The following SLC22A23 variants were observed in gnomAD, a reference collection of about 807,000 sequenced individuals.
SLC22A23 encodes the protein solute carrier family 22 member 23, also known as ion transporter protein.
Under a neutral mutation model 61.0 loss-of-function variants are expected in SLC22A23, and 26 were observed. The observed-to-expected ratio is 0.43, with a 90% CI of 0.31 to 0.59. The LOEUF (loss-of-function observed/expected upper bound fraction) is 0.59. Ranked by LOEUF, SLC22A23 falls within the 20% of genes least tolerant of loss-of-function variation. The probability of loss-of-function intolerance (pLI) is 0.11; values close to 1 mark genes in which losing one functional copy is unlikely to be tolerated. For synonymous variants in SLC22A23, 430 were observed against 413.9 expected (o/e 1.04, Z -0.47); for missense variants, 796 against 934.7 (o/e 0.85, Z 1.94).
rs1402558869 is a variant in SLC22A23 at position 3,327,031 on chromosome 6, C to T, written c.914-3029G>A. Among the ~76,000 whole-genome samples the T allele has an allele frequency of 6.7e-6, 1 of 148,892 alleles. No individual in the cohort carries two copies. ...GGAGGGACGGGGACTGCAGGTGGATCGTTTCTGCTGGGAGGGACGGGGACT... is the reference window on the plus strand; with the variant it reads ...GGAGGGACGGGGACTGCAGGTGGATTGTTTCTGCTGGGAGGGACGGGGACT... On this transcript the variant is annotated intron_variant, in intron 3 of 9. Transcript: ENST00000406686. This position sits in a 1 kb window ranked among gnomAD's most constrained non-coding sequence, Gnocchi z 4.1.
rs1210614520 is a variant in SLC22A23 at position 3,269,279 on chromosome 6, G to A, written c.*3776C>T. The A allele has an allele frequency of 2.0e-5, 3 of 152,360 alleles. No homozygotes were observed. Among genetic ancestry groups the A allele is most frequent in the Admixed American group, 6.5e-5 (1 of 15,282 alleles). The allele number at this position is 152,360 out of a possible 1,614,324, so 9.4% of individuals were successfully genotyped here. On this transcript the variant is annotated 3_prime_UTR_variant, in exon 10 of 10. Transcript: ENST00000406686. The stretch of plus-strand genomic sequence containing the variant: ...TTAAGACCAGGACTCGAAGCAGAGT[G>A]AGAGGCCTCCCTCCACCCACCTCGG...
chr6:3,279,681 C>T (rs960327426), intron 9 of SLC22A23, among the ~76,000 whole-genome samples: 8 of 151,648 alleles, frequency 5.3e-5, no homozygotes, highest in African/African-American at 1.9e-4. Context: ...CCTTTCCTGC[C>T]CCTGAAATGT....
chr6:3,385,161 G>A (rs962625745), intron 3 of SLC22A23, among the ~76,000 whole-genome samples: 2 of 152,152 alleles, frequency 1.3e-5, no homozygotes, highest in Non-Finnish European at 2.9e-5. Flanking sequence ...GAGATGGATG[G>A]TGGTGAGGGG....
intron 4 of SLC22A23, chr6:3,323,309 C>G (rs143637096): frequency 2.1e-4 from 98 of 456,602 alleles, no homozygotes; most frequent in African/African-American, 1.9e-3. Context: ...AAAGCAGCCA[C>G]AGGTAATACC....
rs1387465377 is a variant in SLC22A23, at chr6:3,390,384, C to G, written c.913+19804G>C. On this transcript the variant is annotated intron_variant, in intron 3 of 9. Coordinates refer to ENST00000406686, the MANE Select transcript of SLC22A23 (RefSeq NM_015482.2). The surrounding 1 kb of genome is among the most constrained non-coding windows in gnomAD (Gnocchi z 4.0). ...AGATCCTGCATCCCTCTTCTCTGCCCCACTCTCCCTCTCTCCTCCCTCCCC... is the reference window on the plus strand; with the variant it reads ...AGATCCTGCATCCCTCTTCTCTGCCGCACTCTCCCTCTCTCCTCCCTCCCC... Among the ~76,000 whole-genome samples the G allele has an allele frequency of 6.6e-6, 1 of 152,096 alleles. No homozygotes were observed. Among genetic ancestry groups the G allele is most frequent in the African/African-American group, 2.4e-5 (1 of 41,418 alleles).
chr6:3,380,428 T>A (rs1401298042), intron 3 of SLC22A23, among the ~76,000 whole-genome samples: 1 of 152,208 alleles, frequency 6.6e-6, no homozygotes, highest in Admixed American at 6.5e-5. Context: ...AGTATTTCCA[T>A]ACATCTGAGT....
chr6:3,351,645 T>G (rs923559095), intron 3 of SLC22A23, among the ~76,000 whole-genome samples: 4 of 148,044 alleles, frequency 2.7e-5, no homozygotes, highest in African/African-American at 9.8e-5. Flanking sequence ...TTTCCTGGCT[T>G]TCGCCTAAGA....
At position 3,283,988 on chromosome 6, in the gene SLC22A23, C is replaced by T. The variant is rs529909089; in HGVS notation, c.1580-13G>A. ...CTGTCACTCATCCCTGGGGGAAGGT[C>T]AGAAGAAGGTGGTGAGGGAAGAGAG... is the stretch of plus-strand genomic sequence containing the variant. On this transcript the variant is annotated splice_polypyrimidine_tract_variant and intron_variant, in intron 8 of 9. Coordinates refer to ENST00000406686, the MANE Select transcript of SLC22A23 (RefSeq NM_015482.2). The T allele has an allele frequency of 6.3e-7, 1 of 1,596,070 alleles. No individual in the cohort carries two copies. The highest frequency in any genetic ancestry group is 8.6e-7 in the Non-Finnish European group (1 of 1,166,966).
chr6:3,300,902 T>C (rs1761554599), intron 4 of SLC22A23, among the ~76,000 whole-genome samples: 1 of 152,122 alleles, frequency 6.6e-6, no homozygotes, highest in African/African-American at 2.4e-5. Context: ...GCTGAGCAGG[T>C]GTGTGGAATG....
At chr6:3,434,324 A>ATAAT (rs1312615471) in intron 1 of SLC22A23, among the ~76,000 whole-genome samples, 6 of 151,438 alleles carry the variant, frequency 4.0e-5, no homozygotes, top group South Asian at 4.2e-4. Flanking sequence ...AAATAAATAA[A>ATAAT]TAAATAAAGA....
rs1463802025 is a variant in SLC22A23, at chr6:3,271,599, T to C, written c.*1456A>G. On this transcript the variant is annotated 3_prime_UTR_variant, in exon 10 of 10. Coordinates refer to ENST00000406686, the MANE Select transcript of SLC22A23 (RefSeq NM_015482.2). Reference sequence around the variant, plus strand: ...AAGGACACAGCCCATGGCAAAGACATGCTTCGAGAAGGGATGAGTTGGACA... The same window carrying C: ...AAGGACACAGCCCATGGCAAAGACACGCTTCGAGAAGGGATGAGTTGGACA... 1.3e-5 allele frequency: 2 copies of C among 152,434 alleles called. No homozygotes were observed. Among genetic ancestry groups the C allele is most frequent in the East Asian group, 3.8e-4 (2 of 5,316 alleles). 9.4% of individuals were successfully genotyped at this position (152,434 alleles called of 1,614,324 possible). A position where few individuals can be genotyped will look rare whatever the true frequency, so the allele number is the denominator to read the frequency against.
chr6:3,345,780 T>C (rs1012645827), intron 3 of SLC22A23, among the ~76,000 whole-genome samples: 2 of 152,224 alleles, frequency 1.3e-5, no homozygotes, highest in African/African-American at 2.4e-5. Context: ...GACTCAGTAA[T>C]ACATTTCTAT....
At chr6:3,424,753 C>CTCCTTCATTCA (rs1198204870) in intron 1 of SLC22A23, among the ~76,000 whole-genome samples, 3 of 152,258 alleles carry the variant, frequency 2.0e-5, no homozygotes, top group African/African-American at 7.2e-5. Flanking sequence ...CACAGCCGTG[C>CTCCTTCATTCA]TCCTTCATTC....
At chr6:3,290,100 G>A (rs1475379034) in intron 5 of SLC22A23, 2 of 568,940 alleles carry the variant, frequency 3.5e-6, no homozygotes, top group Non-Finnish European at 6.3e-6. Context: ...AGGGCACCAA[G>A]GTGCACCGTC....
intron 3 of SLC22A23, among the ~76,000 whole-genome samples, chr6:3,336,160 C>T (rs1330622851): frequency 6.6e-6 from 1 of 151,970 alleles, no homozygotes; most frequent in Non-Finnish European, 1.5e-5. Context: ...AAAATGCACA[C>T]ACACAGATTT....
chr6:3,416,704 G>A (rs1769731845), intron 1 of SLC22A23, among the ~76,000 whole-genome samples: 1 of 152,208 alleles, frequency 6.6e-6, no homozygotes, highest in Non-Finnish European at 1.5e-5. Flanking sequence ...TGCTGGCCAG[G>A]CCATGGAGAC....
At chr6:3,424,225 C>T (rs945796394) in intron 1 of SLC22A23, among the ~76,000 whole-genome samples, 11 of 152,188 alleles carry the variant, frequency 7.2e-5, no homozygotes, top group Non-Finnish European at 1.5e-5. Context: ...CTCACAGCTC[C>T]CCAGAGCCTC....
chr6:3,305,546 T>C (rs1761916219), intron 4 of SLC22A23, among the ~76,000 whole-genome samples: 1 of 152,330 alleles, frequency 6.6e-6, no homozygotes, highest in African/African-American at 2.4e-5. Context: ...TTGTTTTAGT[T>C]TGGATAATGT....
In SLC22A23 at chr6:3,454,593, G is replaced by A. The variant is rs1220880058; in HGVS notation, c.654+1313C>T. Reference sequence around the variant, plus strand: ...AACCAACAAAGAAATATTGCCCTCCGTGAAGGGAAAACAGTCACAGAAACA... The same window carrying A: ...AACCAACAAAGAAATATTGCCCTCCATGAAGGGAAAACAGTCACAGAAACA... On this transcript the variant is annotated intron_variant, in intron 1 of 9. Transcript: ENST00000406686. This position sits in a 1 kb window ranked among gnomAD's most constrained non-coding sequence, Gnocchi z 4.3. Among the ~76,000 whole-genome samples, 4 of 152,244 alleles carry A rather than the reference G, an allele frequency of 2.6e-5. No individual in the cohort carries two copies. The highest frequency in any genetic ancestry group is 5.9e-5 in the Non-Finnish European group (4 of 68,028).
Sources: gnomAD v4.1 joint callset for allele counts (sites outside exome capture counted in the v4.1 genomes callset) on GRCh38, gnomAD v4.1.1 for gene constraint, Gnocchi (gnomAD v3.1) non-coding constraint, MANE v1.5 for transcripts, NCBI Gene and HGNC (gene_info 2026-07-23, HGNC 2026-07-21) for gene names.